The following NEB variants were observed in gnomAD, a reference collection of about 807,000 sequenced individuals.
NEB encodes the protein nemaline myopathy type 2.
In NEB, 512 loss-of-function variants were observed where a neutral mutation model predicts 952.2. The observed-to-expected ratio is 0.54, with a 90% CI of 0.50 to 0.58. The LOEUF (loss-of-function observed/expected upper bound fraction) is 0.58, where lower values mean the gene tolerates loss of function less well. Among genes scored for constraint, NEB ranks in the 20% least tolerant of loss-of-function variants. The pLI is 0.00. For synonymous variants in NEB, 2,900 were observed against 3,149.8 expected (o/e 0.92, Z 2.66); for missense variants, 8,428 against 9,231.1 (o/e 0.91, Z 3.56).
In NEB at chr2:151,702,115, C is replaced by T. The variant is rs1351412896; in HGVS notation, c.1153-4467G>A. ...AACATCTTTATTTCTGCCTTCATTT[C>T]GTTATGTACCCAGTAGTCATTCAGG... On this transcript the variant is annotated intron_variant, in intron 13 of 181. Coordinates refer to ENST00000397345, the MANE Select transcript of NEB (RefSeq NM_001164508.2). Among the ~76,000 whole-genome samples, 72 of 145,098 alleles carry T rather than the reference C, an allele frequency of 5.0e-4. 1 individual carries two copies. Among genetic ancestry groups the T allele is most frequent in the African/African-American group, 1.7e-3 (66 of 39,472 alleles).
chr2:151,498,406 C>A, intron 169 of NEB, 54 bp from the exon 170 acceptor site: 1 of 1,346,348 alleles, frequency 7.4e-7, no homozygotes. Context: ...AGTCATTTTC[C>A]CCCTGCTTTG....
rs1456572793 is a variant in NEB at position 151,692,322 on chromosome 2, C to T, written c.1937G>A (p.Ser646Asn). ...TTTTGGGGTCTCACAGTAATTCATACTCTTTGCCTTTGTCTTCTCATAGTT... is the reference window on the plus strand; with the variant it reads ...TTTTGGGGTCTCACAGTAATTCATATTCTTTGCCTTTGTCTTCTCATAGTT... ...KENYEKTKAK[S>N]MNYCETPKYQ... The change falls in exon 21 of 182, where the codon AGT (serine) becomes AAT (asparagine). Residue 646 changes from serine to asparagine, a missense_variant. Ser to Asn is a conservative substitution (Grantham distance 46). Coordinates refer to ENST00000397345, the MANE Select transcript of NEB (RefSeq NM_001164508.2). 4 of 1,613,390 alleles carry T rather than the reference C, an allele frequency of 2.5e-6. No individual in the cohort carries two copies. Among genetic ancestry groups the T allele is most frequent in the South Asian group, 1.1e-5 (1 of 91,010 alleles).
At chr2:151,566,835 C>T (rs2096422818) in intron 114 of NEB, among the ~76,000 whole-genome samples, 1 of 152,200 alleles carries the variant, frequency 6.6e-6, no homozygotes, top group South Asian at 2.1e-4. Flanking sequence ...AACTCATTCT[C>T]AATTCCCACC....
chr2:151,727,065 A>C (rs1021836069), intron 5 of NEB, among the ~76,000 whole-genome samples: 2 of 151,962 alleles, frequency 1.3e-5, no homozygotes, highest in Non-Finnish European at 2.9e-5. Context: ...AAAAAAAAAA[A>C]AAAAACCTTT....
rs186244044 is a variant in NEB at position 151,540,401 on chromosome 2, C to T, written c.20835G>A (p.Pro6945=). The stretch of plus-strand genomic sequence containing the variant: ...TGATGAGGATTGGCGTATCTGGAAC[C>T]GGAGTGTACTTGTCTTTCATCTTTT... ...QYEKMKDKYT[P]VPDTPILIRA... is the part of the protein sequence containing the mutation. The change falls in exon 138 of 182, where the codon CCG becomes CCA. Residue 6945 remains proline, a synonymous_variant. Transcript: ENST00000397345. The T allele has an allele frequency of 9.8e-5, 156 of 1,583,882 alleles. No individual in the cohort carries two copies. In the African/African-American group the frequency reaches 1.5e-3, roughly 15 times the overall value.
At chr2:151,560,961 G>T (rs768777169) in intron 123 of NEB, 43 bp downstream of exon 123, 2 of 1,210,740 alleles carry the variant, frequency 1.7e-6, no homozygotes, top group South Asian at 2.7e-5. Context: ...CCAGAAGGGG[G>T]AAAGGTGGCT....
intron 133 of NEB, 116 bp downstream of exon 133, chr2:151,547,313 T>A (rs546840028): frequency 2.7e-6 from 2 of 746,418 alleles, no homozygotes; most frequent in African/African-American, 3.5e-5. Flanking sequence ...TTGTACTCTT[T>A]GTTTAGAAGT....
chr2:151,610,672 T>C (rs1216644729), intron 79 of NEB, 49 bp from the exon 80 acceptor site: 1 of 1,574,926 alleles, frequency 6.3e-7, no homozygotes, highest in Non-Finnish European at 8.7e-7. Flanking sequence ...TTGAGGAAGG[T>C]AATAGGCCAA....
Position 151,570,151 on chromosome 2 carries a change from T to TGCAGGTA in NEB, c.17353_17359dup (p.His5787LeufsTer27). On this transcript the variant is annotated frameshift_variant, in exon 109 of 182. Coordinates refer to ENST00000397345, the MANE Select transcript of NEB (RefSeq NM_001164508.2). LOFTEE classifies it high-confidence loss of function. ...CTGGTCGGGCATGCAGGTCCACTGG[T>TGCAGGTA]GCAGGTAATTGCGGTAATCCATGTC... 1 of 1,613,418 alleles carries TGCAGGTA rather than the reference T, an allele frequency of 6.2e-7. No homozygotes were observed. The highest frequency in any genetic ancestry group is 8.5e-7 in the Non-Finnish European group (1 of 1,179,694).
In NEB at chr2:151,568,609, T is replaced by C. The variant is rs2096516969; in HGVS notation, c.17634+9A>G. 6.3e-7 allele frequency: 1 copy of C among 1,593,270 alleles called. No individual in the cohort carries two copies. Among genetic ancestry groups the C allele is most frequent in the Non-Finnish European group, 8.6e-7 (1 of 1,166,192 alleles). ...TCACTGTGAGATTTTAAAACAGCCATATACTTACATCATCGAGGATCTCGC... is the reference window on the plus strand; with the variant it reads ...TCACTGTGAGATTTTAAAACAGCCACATACTTACATCATCGAGGATCTCGC... On this transcript the variant is annotated intron_variant, in intron 111 of 181. Coordinates refer to ENST00000397345, the MANE Select transcript of NEB (RefSeq NM_001164508.2).
chr2:151,616,229 G>A, intron 75 of NEB, 120 bp from the exon 76 acceptor site: 1 of 727,104 alleles, frequency 1.4e-6, no homozygotes, highest in Non-Finnish European at 2.3e-6. Flanking sequence ...AATCATTAGG[G>A]TGGGTTTATA....
At chr2:151,574,264 G>A (rs1379602031) in intron 107 of NEB, among the ~76,000 whole-genome samples, 1 of 152,170 alleles carries the variant, frequency 6.6e-6, no homozygotes, top group African/African-American at 2.4e-5. Context: ...GTGAGCCATC[G>A]CGCCAGGCAT....
intron 157 of NEB, 60 bp from the exon 158 acceptor site, chr2:151,514,988 C>A: frequency 9.3e-7 from 1 of 1,070,000 alleles, no homozygotes; most frequent in Non-Finnish European, 1.4e-6. Flanking sequence ...ATATATCTCT[C>A]CATCTCAGGA....
intron 78 of NEB, 119 bp downstream of exon 78, chr2:151,612,067 G>T: frequency 9.5e-7 from 1 of 1,050,086 alleles, no homozygotes; most frequent in Non-Finnish European, 1.4e-6. Context: ...TTAAAGGCCT[G>T]CATGAGAATC....
At chr2:151,577,920 T>C (rs558150698) in intron 105 of NEB, among the ~76,000 whole-genome samples, 7 of 152,296 alleles carry the variant, frequency 4.6e-5, no homozygotes, top group African/African-American at 1.7e-4. Context: ...CATGGTATCT[T>C]TAGTGCTTAG....
chr2:151,731,583 C>T (rs1385339538), intron 3 of NEB, among the ~76,000 whole-genome samples: 4 of 152,118 alleles, frequency 2.6e-5, no homozygotes, highest in African/African-American at 4.8e-5. Flanking sequence ...GCAGTCTATT[C>T]GTTTATCACC....
chr2:151,729,742 G>A lies in NEB; in HGVS notation c.37-86C>T, dbSNP rs565776982. On this transcript the variant is annotated intron_variant, in intron 3 of 181. Coordinates refer to ENST00000397345, the MANE Select transcript of NEB (RefSeq NM_001164508.2). Reference sequence around the variant, plus strand: ...CCTCAGCTGAACCACTTAGGTGACTGCACTAGCTCGGTTGATTTGGAATGT... The same window carrying A: ...CCTCAGCTGAACCACTTAGGTGACTACACTAGCTCGGTTGATTTGGAATGT... The A allele has an allele frequency of 4.2e-5, 56 of 1,346,436 alleles. 1 individual carries two copies. In the South Asian group the frequency reaches 6.5e-4, roughly 16 times the overall value. The allele number at this position is 1,346,436 out of a possible 1,614,324, so 83.4% of individuals were successfully genotyped here. A position where few individuals can be genotyped will look rare whatever the true frequency, so the allele number is the denominator to read the frequency against.
rs756526984 is a variant in NEB, at chr2:151,525,175, C to T, written c.22260G>A (p.Lys7420=). 3.7e-6 allele frequency: 6 copies of T among 1,613,590 alleles called. No individual in the cohort carries two copies. Among genetic ancestry groups the T allele is most frequent in the Non-Finnish European group, 5.1e-6 (6 of 1,179,496 alleles). ...PEVKHAMEVA[K]KQSDVAYRKD... ...AGGGAAAACTTACATCACTTTGCTT[C>T]TTGGCCACTTCCATAGCATGTTTCA... The change falls in exon 151 of 182, where the codon AAG becomes AAA. Residue 7420 remains lysine, a synonymous_variant. Coordinates refer to ENST00000397345, the MANE Select transcript of NEB (RefSeq NM_001164508.2).
chr2:151,560,804 T>A, intron 123 of NEB, 105 bp from the exon 124 acceptor site: 1 of 854,968 alleles, frequency 1.2e-6, no homozygotes, highest in Non-Finnish European at 1.8e-6. Context: ...CACTCCCTAC[T>A]AACTCCCAGG....
Sources: gnomAD v4.1 joint callset for allele counts (sites outside exome capture counted in the v4.1 genomes callset) on GRCh38, gnomAD v4.1.1 for gene constraint, MANE v1.5 for transcripts, NCBI Gene and HGNC (gene_info 2026-07-23, HGNC 2026-07-21) for gene names.